Variants in GNS observed in about 807,000 individuals in gnomAD.
GNS encodes the protein glucosamine (N-acetyl)-6-sulfatase.
In GNS, 40 loss-of-function variants were observed where a neutral mutation model predicts 69.7. That is an observed-to-expected ratio of 0.57 (90% CI 0.45 to 0.75). The LOEUF (loss-of-function observed/expected upper bound fraction) is 0.75. GNS is among the 30% of genes least tolerant of loss of function. The probability of loss-of-function intolerance (pLI) is 0.00; values close to 1 mark genes in which losing one functional copy is unlikely to be tolerated. For synonymous variants in GNS, 243 were observed against 251.6 expected (o/e 0.97, Z 0.32); for missense variants, 565 against 685.5 (o/e 0.82, Z 1.96).
chr12:64,758,071 G>A (rs529324770), intron 1 of GNS, among the ~76,000 whole-genome samples: 2 of 152,298 alleles, frequency 1.3e-5, no homozygotes, highest in African/African-American at 4.8e-5. Context: ...GAAGGGGTTG[G>A]AGTGGATGTT....
chr12:64,740,689 C>T lies in GNS; in HGVS notation c.793-1G>A. 2 of 1,512,808 alleles carry T rather than the reference C, an allele frequency of 1.3e-6. No individual in the cohort carries two copies. Among genetic ancestry groups the T allele is most frequent in the South Asian group, 2.2e-5 (2 of 89,060 alleles). The allele number at this position is 1,512,808 out of a possible 1,614,324, so 93.7% of individuals were successfully genotyped here. A position where few individuals can be genotyped will look rare whatever the true frequency, so the allele number is the denominator to read the frequency against. ...CTTGCCTAATTAACCAGTGCTTGTT[C>T]TAAAATTTAGAAGAAAAAAAATGTT... On this transcript the variant is annotated splice_acceptor_variant, in intron 6 of 13. Coordinates refer to ENST00000258145, the MANE Select transcript of GNS (RefSeq NM_002076.4). LOFTEE classifies it high-confidence loss of function.
intron 2 of GNS, among the ~76,000 whole-genome samples, chr12:64,750,023 G>T (rs939897092): frequency 6.6e-6 from 1 of 151,768 alleles, no homozygotes; most frequent in African/African-American, 2.4e-5. Flanking sequence ...GACCACAGAC[G>T]TGCACCACCA....
chr12:64,726,810 C>T (rs1184280299), intron 10 of GNS, among the ~76,000 whole-genome samples: 1 of 151,736 alleles, frequency 6.6e-6, no homozygotes, highest in Non-Finnish European at 1.5e-5. Flanking sequence ...TATCTTAATA[C>T]ATGGAAAAGA....
chr12:64,756,940 G>A (rs985569382), intron 1 of GNS, among the ~76,000 whole-genome samples: 12 of 152,076 alleles, frequency 7.9e-5, no homozygotes, highest in African/African-American at 2.7e-4. Flanking sequence ...GAGTTCAAGA[G>A]TTCAGGAGTT....
chr12:64,723,279 T>C (rs1209014408), intron 10 of GNS, among the ~76,000 whole-genome samples, 166 bp from the exon 11 acceptor site: 1 of 152,226 alleles, frequency 6.6e-6, no homozygotes, highest in Non-Finnish European at 1.5e-5. Context: ...TACTGAGCAG[T>C]ATGTTTGGTA....
At chr12:64,738,290 G>A (rs1869615109) in intron 8 of GNS, among the ~76,000 whole-genome samples, 1 of 152,180 alleles carries the variant, frequency 6.6e-6, no homozygotes, top group African/African-American at 2.4e-5. Flanking sequence ...GATTATAGGT[G>A]TGAGCCACTG....
At chr12:64,741,489 T>C (rs1486896011) in intron 6 of GNS, among the ~76,000 whole-genome samples, 1 of 152,012 alleles carries the variant, frequency 6.6e-6, no homozygotes, top group African/African-American at 2.4e-5. Context: ...TTTCATCATG[T>C]TCGCCAGGCT....
At chr12:64,722,819 G>C (rs1869075308) in intron 11 of GNS, 187 bp downstream of exon 11, 2 of 604,486 alleles carry the variant, frequency 3.3e-6, no homozygotes, top group Non-Finnish European at 6.0e-6. Context: ...TGCACATTCT[G>C]ATGACAGGTC....
At chr12:64,743,349 C>G (rs1021039923) in intron 5 of GNS, 41 bp from the exon 6 acceptor site, 2 of 1,404,970 alleles carry the variant, frequency 1.4e-6, no homozygotes, top group African/African-American at 2.8e-5. Flanking sequence ...CCTTACCCAA[C>G]AGATGAGTAT....
chr12:64,743,240 A>G lies in GNS; in HGVS notation c.693T>C (p.Thr231=). The change falls in exon 6 of 14, where the codon ACT becomes ACC. Residue 231 remains threonine, a synonymous_variant. Transcript: ENST00000258145. The part of the protein sequence containing the change: ...NFEPFFMMIA[T]PAPHSPWTAA... ...CTGTCCAAGGCGAATGAGGCGCTGG[A>G]GTGGCGATCATCATGAAGAAGGGCT... 1 of 1,612,712 alleles carries G rather than the reference A, an allele frequency of 6.2e-7. No homozygotes were observed. Among genetic ancestry groups the G allele is most frequent in the Non-Finnish European group, 8.5e-7 (1 of 1,178,716 alleles).
At chr12:64,745,204 CTTTTT>C (rs141453545) in intron 4 of GNS, among the ~76,000 whole-genome samples, 809 of 42,388 alleles carry the variant, frequency 0.019, 19 homozygotes, top group African/African-American at 0.074. Flanking sequence ...AGTCAATAGA[CTTTTT>C]TTTTTTTTTT....
chr12:64,744,591 A>C (rs1455725207), intron 5 of GNS, among the ~76,000 whole-genome samples: 1 of 152,190 alleles, frequency 6.6e-6, no homozygotes, highest in East Asian at 1.9e-4. Context: ...TGTTGCTGGA[A>C]TTTCAAGAGC....
rs1210247666 is a variant in GNS, at chr12:64,732,153, A to ATTTTTTTTTTTT, written c.1099-3108_1099-3097dup. ...AGGCACCTGCCACCACACCTGGCTA[A>ATTTTTTTTTTTT]TTTTTTTTTTTTGTTGTTTTTTTTT... On this transcript the variant is annotated intron_variant, in intron 9 of 13. Transcript: ENST00000258145. Among the ~76,000 whole-genome samples, 135 of 88,730 alleles carry ATTTTTTTTTTTT rather than the reference A, an allele frequency of 1.5e-3. 32 individuals are homozygous for ATTTTTTTTTTTT. Among genetic ancestry groups the ATTTTTTTTTTTT allele is most frequent in the Middle Eastern group, 5.8e-3 (1 of 172 alleles). 58.2% of individuals were successfully genotyped at this position (88,730 alleles called of 152,430 possible).
rs1428142326 is a variant in GNS at position 64,713,461 on chromosome 12, A to C, written c.*3280T>G. On this transcript the variant is annotated 3_prime_UTR_variant, in exon 14 of 14. Transcript: ENST00000258145. ...GACACATTCCCACTAGAACAGAAAT[A>C]AATTTTAATTCATTGAAAAGTGCAG... 1 of 152,696 alleles carries C rather than the reference A, an allele frequency of 6.5e-6. No individual in the cohort carries two copies. The highest frequency in any genetic ancestry group is 1.9e-4 in the East Asian group (1 of 5,202). 9.5% of individuals were successfully genotyped at this position (152,696 alleles called of 1,614,324 possible). A position where few individuals can be genotyped will look rare whatever the true frequency, so the allele number is the denominator to read the frequency against.
At chr12:64,757,466 G>A (rs187540124) in intron 1 of GNS, among the ~76,000 whole-genome samples, 1 of 152,126 alleles carries the variant, frequency 6.6e-6, no homozygotes, top group African/African-American at 2.4e-5. Context: ...AGTAAGTGCA[G>A]TAGTTGGAAG....
Position 64,745,666 on chromosome 12 carries a change from T to C in GNS, c.518A>G (p.Tyr173Cys), listed in dbSNP as rs192807123. 6.9e-6 allele frequency: 11 copies of C among 1,588,968 alleles called. No individual in the cohort carries two copies. The East Asian group carries it at 1.6e-4, about 23-fold the overall frequency. Residue 173 changes from tyrosine (Y) to cysteine (C), a missense_variant, in exon 4 of 14, where the codon TAT becomes TGT. Tyr to Cys is a radical substitution (Grantham distance 194). Coordinates refer to ENST00000258145, the MANE Select transcript of GNS (RefSeq NM_002076.4). ...EHVPLGWSYW[Y>C]ALEKNSKYYN... ...ACTTCAATAATCACTCACCAAGGCA[T>C]ACCAGTAACTCCAACCCAGAGGAAC...
At chr12:64,725,995 C>CAAAA (rs34734900) in intron 10 of GNS, among the ~76,000 whole-genome samples, 5 of 49,216 alleles carry the variant, frequency 1.0e-4, no homozygotes, top group Non-Finnish European at 1.1e-4. Flanking sequence ...GACTCTGTCT[C>CAAAA]AAAAAAAAAA....
rs868865081 is a variant in GNS, at chr12:64,745,218, T to G, written c.526-311A>C. ...AAGTCAATAGACTTTTTTTTTTTTT[T>G]TTTTTTTTTTTTTTTTAAAGAGACA... On this transcript the variant is annotated intron_variant, in intron 4 of 13. Transcript: ENST00000258145. 4.4e-3 allele frequency among the ~76,000 whole-genome samples: 628 copies of G among 143,496 alleles called. 4 individuals carry two copies. The highest frequency in any genetic ancestry group is 0.016 in the African/African-American group (606 of 38,764). The allele number at this position is 143,496 out of a possible 152,430, so 94.1% of individuals were successfully genotyped here. A position where few individuals can be genotyped will look rare whatever the true frequency, so the allele number is the denominator to read the frequency against.
chr12:64,759,048 A>G (rs769776717), intron 1 of GNS, 37 bp downstream of exon 1: 2 of 1,507,838 alleles, frequency 1.3e-6, no homozygotes, highest in Non-Finnish European at 1.8e-6. Context: ...TAGTCAGCCC[A>G]AGAGATAGAG....
Sources: allele counts gnomAD v4.1 joint callset (sites outside exome capture counted in the v4.1 genomes callset), GRCh38; gene constraint gnomAD v4.1.1; transcripts MANE v1.5; gene names NCBI Gene and HGNC (gene_info 2026-07-23, HGNC 2026-07-21).